The following PTPN14 variants were observed in gnomAD, a reference collection of about 807,000 sequenced individuals.
PTPN14 encodes the protein protein tyrosine phosphatase non-receptor type 14.
PTPN14 carries 53 observed loss-of-function variants against 126.8 expected under a neutral mutation model. The observed-to-expected ratio is 0.42, with a 90% CI of 0.34 to 0.53. PTPN14 has a LOEUF of 0.53. PTPN14 is among the 20% of genes least tolerant of loss of function. The pLI is 0.08. For synonymous variants in PTPN14, 630 were observed against 599.3 expected, an observed-to-expected ratio of 1.05 and a Z score of -0.75; for missense variants, 1,257 against 1,552.9, an observed-to-expected ratio of 0.81 and a Z score of 3.20.
intron 1 of PTPN14, chr1:214,531,061 C>T (rs1470425928): frequency 6.6e-6 from 1 of 152,050 alleles, no homozygotes; most frequent in South Asian, 2.1e-4. Flanking sequence ...CAGGGAGACT[C>T]ATATAAAGTG....
intron 2 of PTPN14, among the ~76,000 whole-genome samples, chr1:214,461,229 T>TAC (rs1660503927): frequency 6.6e-6 from 1 of 152,232 alleles, no homozygotes; most frequent in African/African-American, 2.4e-5. Context: ...TAATCCACCA[T>TAC]ACATCCTTTC....
Position 214,464,465 on chromosome 1 carries a change from C to T in PTPN14, c.174+165G>A, listed in dbSNP as rs17733739. Among the ~76,000 whole-genome samples, 8,696 of 152,296 alleles carry T rather than the reference C, an allele frequency of 0.057. 300 individuals carry two copies. The highest frequency in any genetic ancestry group is 0.15 in the South Asian group (739 of 4,824). On this transcript the variant is annotated intron_variant, in intron 2 of 18. Transcript: ENST00000366956. The stretch of plus-strand genomic sequence containing the variant: ...CTCCCCATCCAATGATGGATAAGAT[C>T]ACAGCCGTGCTAAGAATAACAGGAT...
At chr1:214,386,178 T>G (rs764652715) in intron 12 of PTPN14, among the ~76,000 whole-genome samples, 25 of 152,352 alleles carry the variant, frequency 1.6e-4, no homozygotes, top group South Asian at 4.1e-4. Context: ...TAATAGTACC[T>G]ATAGGTTTAT....
intron 1 of PTPN14, among the ~76,000 whole-genome samples, chr1:214,543,327 A>G (rs1295005249): frequency 6.6e-6 from 1 of 152,232 alleles, no homozygotes; most frequent in Admixed American, 6.5e-5. Flanking sequence ...TGAAAATGAG[A>G]GGAAAAATTA....
Position 214,391,012 on chromosome 1 carries a change from C to T in PTPN14, c.963G>A (p.Gln321=), listed in dbSNP as rs757891015. ...QSNSPPPIRR[Q]PTWSRSSLPR... ...CCAGAGAGGATCGGCTCCAGGTGGG[C>T]TGGCGTCTGATGGGGGGTGGAGAAT... Residue 321 remains glutamine (Q), a synonymous_variant, in exon 11 of 19, where the codon CAG becomes CAA. Transcript: ENST00000366956. The T allele has an allele frequency of 1.2e-5, 19 of 1,587,024 alleles. No homozygotes were observed. The East Asian group carries it at 4.0e-4, about 34-fold the overall frequency.
At position 214,386,936 on chromosome 1, in the gene PTPN14, C is replaced by G. The variant is rs750058618; in HGVS notation, c.988-14G>C. 1 of 1,581,478 alleles carries G rather than the reference C, an allele frequency of 6.3e-7. No homozygotes were observed. Among genetic ancestry groups the G allele is most frequent in the East Asian group, 2.2e-5 (1 of 44,488 alleles). ...CTGCTGCCTGGGCTGAAACAGAGAA[C>G]ACAGAGGAGGTGGGGAGGCCTGGGC... On this transcript the variant is annotated splice_polypyrimidine_tract_variant and intron_variant, in intron 11 of 18. Transcript: ENST00000366956.
chr1:214,450,464 T>TC (rs1660249667), intron 3 of PTPN14, among the ~76,000 whole-genome samples: 1 of 147,656 alleles, frequency 6.8e-6, no homozygotes, highest in South Asian at 2.1e-4. Context: ...AGAGCAAGAC[T>TC]CCGTCTCAAA....
chr1:214,464,819 G>A lies in PTPN14; in HGVS notation c.-16C>T, dbSNP rs752795438. On this transcript the variant is annotated 5_prime_UTR_variant, in exon 2 of 19. Transcript: ENST00000366956. Reference sequence around the variant, plus strand: ...CAAAAGGCATGGCTATGTGGTCCTCGGACGCCGCCCGCCTATCCTGGCGCA... The same window carrying A: ...CAAAAGGCATGGCTATGTGGTCCTCAGACGCCGCCCGCCTATCCTGGCGCA... 4.8e-5 allele frequency: 78 copies of A among 1,611,448 alleles called. No individual in the cohort carries two copies. Among genetic ancestry groups the A allele is most frequent in the Admixed American group, 2.3e-4 (14 of 59,972 alleles).
At chr1:214,527,009 T>C (rs1344777462) in intron 1 of PTPN14, among the ~76,000 whole-genome samples, 1 of 151,686 alleles carries the variant, frequency 6.6e-6, no homozygotes, top group Non-Finnish European at 1.5e-5. Context: ...GAGAATCACT[T>C]GAACCCGGGA....
rs561320674 is a variant in PTPN14, at chr1:214,497,556, T to C, written c.-154-32599A>G. ...TTCTACATACATCTATGAAAAAGGA[T>C]GTCACTTTTGCATTATTTATAATAC... On this transcript the variant is annotated intron_variant, in intron 1 of 18. Coordinates refer to ENST00000366956, the MANE Select transcript of PTPN14 (RefSeq NM_005401.5). Among the ~76,000 whole-genome samples, 6 of 152,256 alleles carry C rather than the reference T, an allele frequency of 3.9e-5. No homozygotes were observed. The South Asian group carries it at 1.2e-3, about 32-fold the overall frequency.
chr1:214,373,289 G>C (rs538935482), intron 15 of PTPN14, among the ~76,000 whole-genome samples: 1 of 152,164 alleles, frequency 6.6e-6, no homozygotes, highest in East Asian at 1.9e-4. Context: ...CCTGACTTCA[G>C]GTGATACGCC....
intron 18 of PTPN14, 48 bp from the exon 19 acceptor site, chr1:214,358,098 C>G: frequency 6.3e-7 from 1 of 1,598,472 alleles, no homozygotes; most frequent in South Asian, 1.1e-5. Flanking sequence ...GGAGGCTTCC[C>G]TTTGAGCATT....
chr1:214,453,959 C>T (rs1490824300), intron 2 of PTPN14, among the ~76,000 whole-genome samples: 1 of 152,122 alleles, frequency 6.6e-6, no homozygotes, highest in Non-Finnish European at 1.5e-5. Flanking sequence ...TTAAGCTAAC[C>T]TTAACATGAA....
chr1:214,454,664 C>T (rs1660344768), intron 2 of PTPN14, among the ~76,000 whole-genome samples: 1 of 152,124 alleles, frequency 6.6e-6, no homozygotes, highest in South Asian at 2.1e-4. Flanking sequence ...TAATCTTGAG[C>T]CAGAGCTCTA....
chr1:214,446,145 G>A (rs921294089), intron 3 of PTPN14, among the ~76,000 whole-genome samples: 1 of 152,094 alleles, frequency 6.6e-6, no homozygotes, highest in Non-Finnish European at 1.5e-5. Context: ...TAACAAACTC[G>A]GTGGTTCTTA....
At chr1:214,438,655 T>A (rs1220826485) in intron 3 of PTPN14, among the ~76,000 whole-genome samples, 1 of 152,162 alleles carries the variant, frequency 6.6e-6, no homozygotes, top group Non-Finnish European at 1.5e-5. Flanking sequence ...ATTAATAATG[T>A]ACGAAGCCTC....
At chr1:214,409,276 C>T (rs1159976163) in intron 5 of PTPN14, among the ~76,000 whole-genome samples, 1 of 152,254 alleles carries the variant, frequency 6.6e-6, no homozygotes, top group Non-Finnish European at 1.5e-5. Context: ...CCACTCTCTA[C>T]ATCTATAAGT....
chr1:214,370,311 A>C (rs1658189292), intron 16 of PTPN14, among the ~76,000 whole-genome samples: 1 of 151,568 alleles, frequency 6.6e-6, no homozygotes, highest in South Asian at 2.1e-4. Context: ...AAAGAAACGA[A>C]GGTCTTCGGG....
chr1:214,429,040 G>A (rs1166625942), intron 3 of PTPN14, among the ~76,000 whole-genome samples: 2 of 152,114 alleles, frequency 1.3e-5, no homozygotes, highest in Non-Finnish European at 2.9e-5. Context: ...ACTAAGTCCA[G>A]TACATTTTCC....
Sources: allele counts gnomAD v4.1 joint callset (sites outside exome capture counted in the v4.1 genomes callset), GRCh38; gene constraint gnomAD v4.1.1; transcripts MANE v1.5; gene names NCBI Gene and HGNC (gene_info 2026-07-23, HGNC 2026-07-21).